ARHGEF7: variants seen among roughly 807,000 people sequenced by gnomAD.
The protein encoded by ARHGEF7 is Rho guanine nucleotide exchange factor 7.
In ARHGEF7, 33 loss-of-function variants were observed where a neutral mutation model predicts 109.8. That is an observed-to-expected ratio of 0.30 (90% CI 0.23 to 0.40). The LOEUF (loss-of-function observed/expected upper bound fraction) is 0.40, where lower values mean the gene tolerates loss of function less well. Ranked by LOEUF, ARHGEF7 falls within the 10% of genes least tolerant of loss-of-function variation. The probability of loss-of-function intolerance (pLI) is 1.00; values close to 1 mark genes in which losing one functional copy is unlikely to be tolerated. For synonymous variants in ARHGEF7, 458 were observed against 424.6 expected (o/e 1.08, Z -0.97); for missense variants, 938 against 1,098.5 (o/e 0.85, Z 2.07).
chr13:111,233,092 G>T, intron 5 of ARHGEF7, 113 bp from the exon 6 acceptor site: 1 of 887,850 alleles, frequency 1.1e-6, no homozygotes, highest in Non-Finnish European at 1.9e-6. Flanking sequence ...CTTGCCATTT[G>T]GCTTGTTAAT....
intron 1 of ARHGEF7, among the ~76,000 whole-genome samples, chr13:111,130,854 G>GT (rs1440361846): frequency 4.6e-5 from 7 of 152,166 alleles, no homozygotes; most frequent in Non-Finnish European, 1.0e-4. Flanking sequence ...CATAGCTGTC[G>GT]TAAGAGGAGG....
rs1335533846 is a variant in ARHGEF7 at position 111,221,437 on chromosome 13, ATATATATC to A, written c.670+3565_670+3572del. Among the ~76,000 whole-genome samples the A allele has an allele frequency of 7.1e-5, 2 of 27,978 alleles. 1 individual carries two copies. The highest frequency in any genetic ancestry group is 2.7e-4 in the African/African-American group (2 of 7,348). 18.4% of individuals were successfully genotyped at this position (27,978 alleles called of 152,430 possible). A position where few individuals can be genotyped will look rare whatever the true frequency, so the allele number is the denominator to read the frequency against. Reference sequence around the variant, plus strand: ...GATGTCTATATATCTATATATAGATATATATATCTATATATATAGATATATAGACATCT... The same window carrying A: ...GATGTCTATATATCTATATATAGATATATATATATAGATATATAGACATCT... On this transcript the variant is annotated intron_variant, in intron 5 of 21. Transcript: ENST00000646102.
At chr13:111,241,741 G>C (rs2087824337) in intron 6 of ARHGEF7, among the ~76,000 whole-genome samples, 1 of 152,128 alleles carries the variant, frequency 6.6e-6, no homozygotes, top group African/African-American at 2.4e-5. Flanking sequence ...TCTCACATAG[G>C]AACATTTTTC....
intron 19 of ARHGEF7, among the ~76,000 whole-genome samples, chr13:111,296,430 G>T (rs551140173): frequency 6.6e-6 from 1 of 152,176 alleles, no homozygotes; most frequent in Non-Finnish European, 1.5e-5. Context: ...AATGCTTGCT[G>T]CAGGATTTTT....
intron 6 of ARHGEF7, among the ~76,000 whole-genome samples, chr13:111,236,683 C>G (rs2086882889): frequency 6.6e-6 from 1 of 152,128 alleles, no homozygotes; most frequent in African/African-American, 2.4e-5. Flanking sequence ...ACACCTTTAA[C>G]AGTTCAGGTA....
intron 5 of ARHGEF7, among the ~76,000 whole-genome samples, chr13:111,223,893 G>A (rs1349972449): frequency 7.0e-6 from 1 of 142,860 alleles, no homozygotes; most frequent in Non-Finnish European, 1.5e-5. Context: ...GTCTTGCTCT[G>A]TTGCCCAGGC....
intron 2 of ARHGEF7, among the ~76,000 whole-genome samples, chr13:111,190,392 AAAC>A (rs1224769253): frequency 2.8e-4 from 43 of 152,152 alleles, no homozygotes; most frequent in Non-Finnish European, 1.5e-5. Context: ...GTTAGTGTAA[AAAC>A]AACACTCTTC....
intron 2 of ARHGEF7, among the ~76,000 whole-genome samples, chr13:111,175,126 G>A (rs1007544962): frequency 6.6e-6 from 1 of 152,206 alleles, no homozygotes; most frequent in Non-Finnish European, 1.5e-5. Context: ...ATATTTGTTT[G>A]TGGTAAGCTG....
At position 111,239,486 on chromosome 13, in the gene ARHGEF7, G is replaced by T. The variant is rs541722535; in HGVS notation, c.760-4386G>T. Among the ~76,000 whole-genome samples the T allele has an allele frequency of 2.3e-4, 35 of 152,256 alleles. No homozygotes were observed. The South Asian group carries it at 6.8e-3, about 30-fold the overall frequency. ...AAAACCTGAGCCTCCTGGTGACAGGGTGTCTTCGGTCTCCATCCATCAGCA... is the reference window on the plus strand; with the variant it reads ...AAAACCTGAGCCTCCTGGTGACAGGTTGTCTTCGGTCTCCATCCATCAGCA... On this transcript the variant is annotated intron_variant, in intron 6 of 21. Coordinates refer to ENST00000646102, the MANE Select transcript of ARHGEF7 (RefSeq NM_001354046.2). The surrounding 1 kb of genome is among the most constrained non-coding windows in gnomAD (Gnocchi z 4.3).
chr13:111,171,789 C>A (rs947583219), intron 2 of ARHGEF7, among the ~76,000 whole-genome samples: 16 of 152,206 alleles, frequency 1.1e-4, no homozygotes, highest in Non-Finnish European at 2.9e-5. Flanking sequence ...TCCTAACCCC[C>A]AAGGTGACAG....
chr13:111,210,714 A>G (rs2153476566), intron 4 of ARHGEF7, among the ~76,000 whole-genome samples: 1 of 152,314 alleles, frequency 6.6e-6, no homozygotes, highest in Admixed American at 6.5e-5. Context: ...CCCTTCTCTG[A>G]GCTGCAGCTG....
In ARHGEF7 at chr13:111,283,435, C is replaced by T. The variant is rs1264870257; in HGVS notation, c.1950+72C>T. 2.0e-6 allele frequency: 3 copies of T among 1,503,346 alleles called. No homozygotes were observed. In the African/African-American group the frequency reaches 4.2e-5, roughly 21 times the overall value. 93.1% of individuals were successfully genotyped at this position (1,503,346 alleles called of 1,614,324 possible). ...CTCGGGCCCTGGGTGTGCCCACGTG[C>T]TGGGCCTTCTGTGTACAGCAAAATG... On this transcript the variant is annotated intron_variant, in intron 16 of 21. Coordinates refer to ENST00000646102, the MANE Select transcript of ARHGEF7 (RefSeq NM_001354046.2).
intron 1 of ARHGEF7, among the ~76,000 whole-genome samples, chr13:111,136,369 AAG>A (rs1351405289): frequency 2.6e-5 from 4 of 151,288 alleles, no homozygotes; most frequent in Non-Finnish European, 5.9e-5. Flanking sequence ...GCAAATGTAA[AAG>A]AACAGAAATT....
chr13:111,218,730 T>C (rs2083441620), intron 5 of ARHGEF7, among the ~76,000 whole-genome samples: 1 of 152,164 alleles, frequency 6.6e-6, no homozygotes, highest in African/African-American at 2.4e-5. Context: ...AGGATGATAG[T>C]TCTCCCTTGT....
intron 2 of ARHGEF7, among the ~76,000 whole-genome samples, chr13:111,200,389 C>T (rs1429587747): frequency 6.6e-6 from 1 of 151,934 alleles, no homozygotes. Flanking sequence ...TCACCTTCAC[C>T]TTTCTCTCGT....
At chr13:111,225,852 T>C (rs1286522928) in intron 5 of ARHGEF7, among the ~76,000 whole-genome samples, 1 of 152,124 alleles carries the variant, frequency 6.6e-6, no homozygotes, top group Admixed American at 6.5e-5. Flanking sequence ...ATTAAACCAG[T>C]TTATAACCTT....
At chr13:111,263,474 C>T (rs981501156) in intron 8 of ARHGEF7, among the ~76,000 whole-genome samples, 1 of 152,192 alleles carries the variant, frequency 6.6e-6, no homozygotes, top group Non-Finnish European at 1.5e-5. Flanking sequence ...CTGAATGGAT[C>T]GGGGCTGTGG....
At chr13:111,130,970 G>A (rs1164258220) in intron 1 of ARHGEF7, among the ~76,000 whole-genome samples, 1 of 152,258 alleles carries the variant, frequency 6.6e-6, no homozygotes, top group African/African-American at 2.4e-5. Flanking sequence ...CTGGAACCGA[G>A]GGGACGCGGA....
intron 2 of ARHGEF7, among the ~76,000 whole-genome samples, chr13:111,192,534 A>G (rs1215131978): frequency 8.5e-5 from 13 of 152,244 alleles, no homozygotes; most frequent in Non-Finnish European, 1.5e-5. Context: ...ACTGAGCCCC[A>G]TTTTGTGAGG....
Sources: gnomAD v4.1 joint callset for allele counts (sites outside exome capture counted in the v4.1 genomes callset) on GRCh38, gnomAD v4.1.1 for gene constraint, Gnocchi (gnomAD v3.1) non-coding constraint, MANE v1.5 for transcripts, NCBI Gene and HGNC (gene_info 2026-07-23, HGNC 2026-07-21) for gene names.